CCDC146: variants seen among roughly 807,000 people sequenced by gnomAD.
CCDC146 encodes the protein coiled-coil domain containing 146, also known as coiled-coil domain-containing protein 146.
CCDC146 carries 92 observed loss-of-function variants against 119.3 expected under a neutral mutation model. That is an observed-to-expected ratio of 0.77 (90% CI 0.65 to 0.92). The LOEUF is 0.92. CCDC146 is among the 40% of genes least tolerant of loss of function. CCDC146 has a pLI of 0.00. For synonymous variants in CCDC146, 372 were observed against 371.8 expected (o/e 1.00, Z -0.01); for missense variants, 1,000 against 1,103.0 (o/e 0.91, Z 1.32).
chr7:77,206,967 G>T (rs1792093616), intron 2 of CCDC146, among the ~76,000 whole-genome samples: 1 of 151,902 alleles, frequency 6.6e-6, no homozygotes, highest in South Asian at 2.1e-4. Context: ...TCTTTTAAAT[G>T]CTGGCCATTG....
chr7:77,146,252 T>C (rs1193397083), intron 1 of CCDC146, among the ~76,000 whole-genome samples: 2 of 152,060 alleles, frequency 1.3e-5, no homozygotes, highest in African/African-American at 4.8e-5. Context: ...CCTTTTTTTG[T>C]TTTCCAATTG....
intron 2 of CCDC146, among the ~76,000 whole-genome samples, chr7:77,202,882 A>G (rs1057377789): frequency 3.3e-5 from 5 of 152,218 alleles, no homozygotes; most frequent in Admixed American, 6.5e-5. Context: ...TTCAAAGTTC[A>G]TATCTTTTCT....
rs1313017834 is a variant in CCDC146 at position 77,126,309 on chromosome 7, G to A, written c.-12+3577G>A. ...ATAAGCTACATTTCATCATGTTATT[G>A]TCAGGGAGTTTTGGGTTGTCAATTT... On this transcript the variant is annotated intron_variant, in intron 1 of 18. Transcript: ENST00000285871. Among the ~76,000 whole-genome samples the A allele has an allele frequency of 2.0e-5, 3 of 152,006 alleles. No individual in the cohort carries two copies. In the East Asian group the frequency reaches 5.8e-4, roughly 29 times the overall value.
chr7:77,238,060 A>G (rs553248262), intron 3 of CCDC146, among the ~76,000 whole-genome samples: 2 of 152,306 alleles, frequency 1.3e-5, no homozygotes, highest in Non-Finnish European at 2.9e-5. Flanking sequence ...AGCATGAGGG[A>G]AGAGTGAACA....
chr7:77,287,314 C>A, intron 16 of CCDC146, 126 bp from the exon 17 acceptor site: 1 of 1,003,750 alleles, frequency 1.0e-6, no homozygotes, highest in Non-Finnish European at 1.5e-6. Flanking sequence ...AAGTCTTAAC[C>A]CAGCTCTAAA....
At position 77,178,338 on chromosome 7, in the gene CCDC146, A is replaced by C. The variant is rs1387856650; in HGVS notation, c.156+10514A>C. 2.0e-5 allele frequency among the ~76,000 whole-genome samples: 3 copies of C among 152,218 alleles called. No individual in the cohort carries two copies. In the East Asian group the frequency reaches 5.8e-4, roughly 29 times the overall value. ...AGGGGACAGAGAAGAAGAAAGATAAAGAAAAATTGGTCCTTTACCTCCTCA... is the reference window on the plus strand; with the variant it reads ...AGGGGACAGAGAAGAAGAAAGATAACGAAAAATTGGTCCTTTACCTCCTCA... On this transcript the variant is annotated intron_variant, in intron 2 of 18. Coordinates refer to ENST00000285871, the MANE Select transcript of CCDC146 (RefSeq NM_020879.3).
intron 5 of CCDC146, chr7:77,255,570 C>T (rs1031285747): frequency 3.3e-5 from 5 of 152,172 alleles, no homozygotes; most frequent in African/African-American, 1.2e-4. Context: ...TTTGAATTTT[C>T]ATTCAGATCC....
At chr7:77,246,579 C>A (rs1792955648) in intron 4 of CCDC146, 1 of 152,022 alleles carries the variant, frequency 6.6e-6, no homozygotes, top group South Asian at 2.1e-4. Flanking sequence ...CATGTTTTTG[C>A]CCCAGTAATC....
intron 2 of CCDC146, among the ~76,000 whole-genome samples, chr7:77,217,434 A>G (rs1347355073): frequency 6.6e-6 from 1 of 151,834 alleles, no homozygotes; most frequent in African/African-American, 2.4e-5. Flanking sequence ...TATGTTTTAG[A>G]AATAGAGCCA....
At chr7:77,159,565 G>C (rs1791227523) in intron 1 of CCDC146, among the ~76,000 whole-genome samples, 1 of 152,110 alleles carries the variant, frequency 6.6e-6, no homozygotes, top group African/African-American at 2.4e-5. Flanking sequence ...TCCATATCTT[G>C]GCTTTTGTAA....
rs58026945 is a variant in CCDC146 at position 77,250,973 on chromosome 7, TTGTGTGTGTGTGTGTGTGTGTGTGTG to T, written c.450-3505_450-3480del. 5.2e-3 allele frequency among the ~76,000 whole-genome samples: 599 copies of T among 114,710 alleles called. 8 individuals carry two copies. The highest frequency in any genetic ancestry group is 0.019 in the African/African-American group (570 of 30,606). The allele number at this position is 114,710 out of a possible 152,430, so 75.3% of individuals were successfully genotyped here. The stretch of plus-strand genomic sequence containing the variant: ...ATACAGTGATTTTGATCTCTGGTAT[TTGTGTGTGTGTGTGTGTGTGTGTGTG>T]TGTGTGTGTGTGTGTGTGTGTGTGT... On this transcript the variant is annotated intron_variant, in intron 4 of 18. Transcript: ENST00000285871.
chr7:77,259,006 C>T lies in CCDC146; in HGVS notation c.696C>T (p.Ala232=), dbSNP rs560413840. 1.2e-6 allele frequency: 2 copies of T among 1,611,346 alleles called. No homozygotes were observed. Among genetic ancestry groups the T allele is most frequent in the East Asian group, 2.2e-5 (1 of 44,822 alleles). ...CGTTTCTTTACTAGGATGAAGTGGC[C>T]CACCATCAAACCATTCCAGTACAAA... ...GHQVVLKDEV[A]HHQTIPVQIG... The change falls in exon 7 of 19, where the codon GCC becomes GCT. Residue 232 remains alanine (A), a synonymous_variant. Transcript: ENST00000285871.
intron 9 of CCDC146, among the ~76,000 whole-genome samples, chr7:77,267,687 C>T (rs543553518): frequency 9.9e-5 from 15 of 152,028 alleles, no homozygotes; most frequent in Non-Finnish European, 2.1e-4. Context: ...AAAGGCTATT[C>T]GTGCCTGAGC....
intron 1 of CCDC146, among the ~76,000 whole-genome samples, chr7:77,126,710 T>C (rs543130002): frequency 1.6e-4 from 25 of 152,210 alleles, no homozygotes; most frequent in African/African-American, 6.0e-4. Flanking sequence ...GTAGTCTGTC[T>C]ATCCTCTTCG....
rs1488761132 is a variant in CCDC146, at chr7:77,179,915, CT to C, written c.156+12092del. 2.0e-5 allele frequency among the ~76,000 whole-genome samples: 3 copies of C among 152,282 alleles called. No individual in the cohort carries two copies. The East Asian group carries it at 5.8e-4, about 29-fold the overall frequency. On this transcript the variant is annotated intron_variant, in intron 2 of 18. Transcript: ENST00000285871. The stretch of plus-strand genomic sequence containing the variant: ...AATGTGTCTACTTTAGATATACCTC[CT>C]GTAAGGAGAATCATACAGTATTTCT...
chr7:77,292,643 C>A (rs1332037520), intron 17 of CCDC146, among the ~76,000 whole-genome samples: 1 of 151,252 alleles, frequency 6.6e-6, no homozygotes, highest in Non-Finnish European at 1.5e-5. Context: ...AAAGAACATC[C>A]CTTCACCTCT....
At chr7:77,283,181 G>C (rs752442428) in intron 15 of CCDC146, among the ~76,000 whole-genome samples, 7 of 152,144 alleles carry the variant, frequency 4.6e-5, no homozygotes, top group Non-Finnish European at 1.0e-4. Flanking sequence ...CTGGCCCCCA[G>C]AGCAAGAGAT....
At chr7:77,220,016 A>C (rs1424801714) in intron 2 of CCDC146, among the ~76,000 whole-genome samples, 1 of 152,164 alleles carries the variant, frequency 6.6e-6, no homozygotes, top group East Asian at 1.9e-4. Flanking sequence ...TAAACATCTT[A>C]ACAGGAAACA....
chr7:77,258,261 G>C (rs901188184), intron 6 of CCDC146: 6 of 152,388 alleles, frequency 3.9e-5, no homozygotes, highest in South Asian at 4.1e-4. Flanking sequence ...CCCATTCCCT[G>C]ACAAGGCAGC....
Sources: allele counts gnomAD v4.1 joint callset (sites outside exome capture counted in the v4.1 genomes callset), GRCh38; gene constraint gnomAD v4.1.1; transcripts MANE v1.5; gene names NCBI Gene and HGNC (gene_info 2026-07-23, HGNC 2026-07-21).